The following GRM3 variants were observed in gnomAD, a reference collection of about 807,000 sequenced individuals.
GRM3 encodes metabotropic glutamate receptor 3.
Under a neutral mutation model 70.5 loss-of-function variants are expected in GRM3, and 26 were observed. That is an observed-to-expected ratio of 0.37 (90% CI 0.27 to 0.51). The LOEUF (loss-of-function observed/expected upper bound fraction) is 0.51. GRM3 is among the 20% of genes least tolerant of loss of function. The pLI is 0.93. For synonymous variants in GRM3, 443 were observed against 434.9 expected (o/e 1.02, Z -0.23); for missense variants, 859 against 1,123.8 (o/e 0.76, Z 3.37).
At chr7:86,645,094 G>A (rs1793425240) in intron 1 of GRM3, 2 of 346,114 alleles carry the variant, frequency 5.8e-6, no homozygotes, top group Middle Eastern at 1.1e-3. Context: ...TGGGAGGAGG[G>A]AGATTTCAGG....
chr7:86,699,530 A>G (rs1794902832), intron 1 of GRM3, among the ~76,000 whole-genome samples: 1 of 152,098 alleles, frequency 6.6e-6, no homozygotes. Flanking sequence ...CAATATTTTT[A>G]AAAAGCACAG....
rs1798507617 is a variant in GRM3 at position 86,838,830 on chromosome 7, A to G, written c.1325-9A>G. ...TGTTCTTTTTTTTCTTTCACTTTACATATCACAGCTCCATTCAACCCAAAT... is the reference window on the plus strand; with the variant it reads ...TGTTCTTTTTTTTCTTTCACTTTACGTATCACAGCTCCATTCAACCCAAAT... On this transcript the variant is annotated splice_polypyrimidine_tract_variant and intron_variant, in intron 3 of 5. Coordinates refer to ENST00000361669, the MANE Select transcript of GRM3 (RefSeq NM_000840.3). The G allele has an allele frequency of 6.5e-7, 1 of 1,533,902 alleles. No individual in the cohort carries two copies. The highest frequency in any genetic ancestry group is 8.9e-7 in the Non-Finnish European group (1 of 1,118,434).
At chr7:86,814,236 T>C (rs538334813) in intron 3 of GRM3, among the ~76,000 whole-genome samples, 1 of 151,954 alleles carries the variant, frequency 6.6e-6, no homozygotes, top group South Asian at 2.1e-4. Flanking sequence ...TTCTTTTTTC[T>C]TTAATTTTAT....
intron 3 of GRM3, among the ~76,000 whole-genome samples, chr7:86,793,410 C>T (rs1404326307): frequency 6.6e-6 from 1 of 152,194 alleles, no homozygotes; most frequent in Non-Finnish European, 1.5e-5. Flanking sequence ...GATGAATGGG[C>T]TTTGAAGTCC....
chr7:86,800,749 A>G (rs1344045372), intron 3 of GRM3, among the ~76,000 whole-genome samples: 1 of 152,224 alleles, frequency 6.6e-6, no homozygotes, highest in Non-Finnish European at 1.5e-5. Flanking sequence ...AAACTATTCC[A>G]AACAGTTGAA....
intron 3 of GRM3, among the ~76,000 whole-genome samples, chr7:86,831,709 A>C (rs1380591170): frequency 6.6e-6 from 1 of 151,480 alleles, no homozygotes; most frequent in Non-Finnish European, 1.5e-5. Flanking sequence ...AGATAGAAAA[A>C]CCAGTAAAAT....
chr7:86,821,670 C>T (rs1254815797), intron 3 of GRM3, among the ~76,000 whole-genome samples: 1 of 152,048 alleles, frequency 6.6e-6, no homozygotes, highest in Admixed American at 6.6e-5. Flanking sequence ...GACAGGGGAC[C>T]CAGAGCAAAT....
intron 1 of GRM3, among the ~76,000 whole-genome samples, chr7:86,702,917 C>T (rs912264982): frequency 6.6e-5 from 10 of 151,854 alleles, no homozygotes; most frequent in Non-Finnish European, 1.3e-4. Flanking sequence ...ACAGAACAAA[C>T]GTAAAAGAAA....
At chr7:86,729,272 A>G (rs1795665306) in intron 1 of GRM3, among the ~76,000 whole-genome samples, 1 of 152,190 alleles carries the variant, frequency 6.6e-6, no homozygotes, top group African/African-American at 2.4e-5. Context: ...CTGTAAAGTG[A>G]TGATGATAGT....
intron 5 of GRM3, 64 bp from the exon 6 acceptor site, chr7:86,864,218 C>A: frequency 1.2e-6 from 1 of 831,144 alleles, no homozygotes; most frequent in Non-Finnish European, 2.1e-6. Context: ...TTGTATCCTT[C>A]ATGCTATTAC....
At chr7:86,664,858 C>T (rs1793985065) in intron 1 of GRM3, among the ~76,000 whole-genome samples, 2 of 151,986 alleles carry the variant, frequency 1.3e-5, no homozygotes, top group Non-Finnish European at 2.9e-5. Flanking sequence ...AATTAAACCT[C>T]CCAGGCCTAA....
intron 1 of GRM3, among the ~76,000 whole-genome samples, chr7:86,713,237 T>C (rs1290610589): frequency 6.6e-6 from 1 of 152,088 alleles, no homozygotes; most frequent in Non-Finnish European, 1.5e-5. Flanking sequence ...ATTAGTGATG[T>C]ATATATTTTC....
At position 86,850,418 on chromosome 7, in the gene GRM3, G is replaced by A; in HGVS notation, c.2440G>A (p.Val814Ile). ...CTCTGTCAGCCTGAGTGGCTTTGTG[G>A]TCTTGGGCTGTTTGTTTGCACCCAA... ...CISVSLSGFVVLGCLFAPKVH... is the reference protein window; with the variant it reads ...CISVSLSGFVILGCLFAPKVH... The change falls in exon 5 of 6, where the codon GTC becomes ATC. Residue 814 changes from valine to isoleucine, a missense_variant. Val to Ile is a conservative substitution (Grantham distance 29, BLOSUM62 3). Coordinates refer to ENST00000361669, the MANE Select transcript of GRM3 (RefSeq NM_000840.3). The A allele has an allele frequency of 1.9e-6, 3 of 1,613,060 alleles. No homozygotes were observed. The South Asian group carries it at 3.3e-5, about 18-fold the overall frequency.
chr7:86,727,844 A>T (rs1440351069), intron 1 of GRM3, among the ~76,000 whole-genome samples: 1 of 152,042 alleles, frequency 6.6e-6, no homozygotes, highest in Non-Finnish European at 1.5e-5. Flanking sequence ...TTGTAATGGA[A>T]CACAGCTACA....
At chr7:86,827,047 C>A (rs1798248908) in intron 3 of GRM3, among the ~76,000 whole-genome samples, 1 of 152,058 alleles carries the variant, frequency 6.6e-6, no homozygotes, top group South Asian at 2.1e-4. Context: ...AGAAATCATC[C>A]CTGTTCTGGA....
chr7:86,681,063 A>G (rs1794429797), intron 1 of GRM3, among the ~76,000 whole-genome samples: 1 of 152,096 alleles, frequency 6.6e-6, no homozygotes, highest in African/African-American at 2.4e-5. Flanking sequence ...TTAACAACAC[A>G]CCCACACAGT....
At chr7:86,828,111 CAAAAAAAA>C (rs55645713) in intron 3 of GRM3, among the ~76,000 whole-genome samples, 30 of 68,290 alleles carry the variant, frequency 4.4e-4, no homozygotes, top group East Asian at 4.2e-3. Flanking sequence ...AACTCCGTAT[CAAAAAAAA>C]AAAAAAAAAA....
intron 1 of GRM3, among the ~76,000 whole-genome samples, chr7:86,726,808 C>T (rs1390257703): frequency 6.6e-6 from 1 of 152,198 alleles, no homozygotes; most frequent in African/African-American, 2.4e-5. Flanking sequence ...CAGTCACTTC[C>T]TCTTGTAACA....
In GRM3 at chr7:86,705,580, A is replaced by G. The variant is rs1481244930; in HGVS notation, c.-140-59426A>G. 1.4e-4 allele frequency among the ~76,000 whole-genome samples: 21 copies of G among 151,688 alleles called. No homozygotes were observed. In the Admixed American group the frequency reaches 1.4e-3, roughly 10 times the overall value. Reference sequence around the variant, plus strand: ...AAGCCTTTTAAATTTTTTTGTAAACATACTGACCCATGTATGCATACACTA... The same window carrying G: ...AAGCCTTTTAAATTTTTTTGTAAACGTACTGACCCATGTATGCATACACTA... On this transcript the variant is annotated intron_variant, in intron 1 of 5. Transcript: ENST00000361669.
Sources: allele counts gnomAD v4.1 joint callset (sites outside exome capture counted in the v4.1 genomes callset), GRCh38; gene constraint gnomAD v4.1.1; transcripts MANE v1.5; gene names NCBI Gene and HGNC (gene_info 2026-07-23, HGNC 2026-07-21).